Variants in OR6N1 observed in about 807,000 individuals in gnomAD.
OR6N1 encodes the protein olfactory receptor 6N1.
For missense variants in OR6N1, 394 were observed against 371.7 expected (o/e 1.06, Z -0.49); for synonymous variants, 170 against 150.7 (o/e 1.13, Z -0.94).
chr1:158,823,027 GT>G, the OR6N1 span, among the ~76,000 whole-genome samples: 1 of 152,182 alleles, frequency 6.6e-6, no homozygotes, highest in Non-Finnish European at 1.5e-5. Context: ...ATTTGGGTAT[GT>G]TGAACCAACC....
At chr1:158,775,920 T>A (rs1657581419), upstream of OR6N1, 1 of 152,180 alleles carries the variant, frequency 6.6e-6, no homozygotes, top group African/African-American at 2.4e-5. Flanking sequence ...TATTGACAAG[T>A]CCAATCCAGG....
upstream of OR6N1, chr1:158,776,452 CT>C (rs35634987): frequency 6.1e-5 from 23 of 374,304 alleles, no homozygotes; most frequent in East Asian, 1.7e-4. Context: ...AATATACATG[CT>C]TTTTTTTAAA....
upstream of OR6N1, chr1:158,774,629 A>G (rs1657535339): frequency 6.6e-6 from 1 of 152,216 alleles, no homozygotes; most frequent in Admixed American, 6.5e-5. Flanking sequence ...TGACATGAAA[A>G]TTTATGTTTA....
At chr1:158,770,068 T>G (rs1321324925) in intron 1 of OR6N1, among the ~76,000 whole-genome samples, 1 of 152,224 alleles carries the variant, frequency 6.6e-6, no homozygotes, top group Non-Finnish European at 1.5e-5. Context: ...TCTTTCCTTT[T>G]CTGGCCTCCA....
chr1:158,780,251 T>C, the OR6N1 span, among the ~76,000 whole-genome samples: 1 of 152,210 alleles, frequency 6.6e-6, no homozygotes, highest in Admixed American at 6.5e-5. Context: ...GTTGGTAATG[T>C]TTCCCCTTTA....
Position 158,765,743 on chromosome 1 carries a change from C to T in OR6N1, c.*1G>A, listed in dbSNP as rs1188119766. ...GGCCTTGGCCTACTCTCAGCCCCAA[C>T]TCATGCCAATATCCCAATTCTCTTT... On this transcript the variant is annotated 3_prime_UTR_variant, in exon 2 of 2. Transcript: ENST00000641846. 2 of 1,609,698 alleles carry T rather than the reference C, an allele frequency of 1.2e-6. No individual in the cohort carries two copies. Among genetic ancestry groups the T allele is most frequent in the South Asian group, 2.2e-5 (2 of 90,858 alleles).
At chr1:158,791,249 C>T in the OR6N1 span, among the ~76,000 whole-genome samples, 1,907 of 152,146 alleles carry the variant, frequency 0.013, 48 homozygotes, top group African/African-American at 0.043. Flanking sequence ...CTATAAACAT[C>T]GCTTTTAGCA....
At chr1:158,816,232 A>G in the OR6N1 span, among the ~76,000 whole-genome samples, 1 of 152,092 alleles carries the variant, frequency 6.6e-6, no homozygotes, top group African/African-American at 2.4e-5. Context: ...TCTTTTCTAT[A>G]CATCCTGTCT....
chr1:158,789,859 A>T, the OR6N1 span, among the ~76,000 whole-genome samples: 1 of 152,026 alleles, frequency 6.6e-6, no homozygotes, highest in Non-Finnish European at 1.5e-5. Flanking sequence ...CCACTTGGCT[A>T]TTTTTGTTTT....
the OR6N1 span, among the ~76,000 whole-genome samples, chr1:158,815,445 A>T: frequency 2.0e-5 from 3 of 152,172 alleles, no homozygotes; most frequent in African/African-American, 7.2e-5. Context: ...ATGTAGGAAG[A>T]CAGAAAGGGT....
At chr1:158,796,225 G>T in the OR6N1 span, 1 of 152,330 alleles carries the variant, frequency 6.6e-6, no homozygotes, top group East Asian at 1.9e-4. Context: ...GACCTAGTAT[G>T]CTTCAGAGTT....
the OR6N1 span, among the ~76,000 whole-genome samples, chr1:158,806,223 C>G: frequency 1.3e-5 from 2 of 152,062 alleles, no homozygotes; most frequent in Admixed American, 1.3e-4. Flanking sequence ...AGTTTTGCAC[C>G]ATGTATTTGG....
In OR6N1 at chr1:158,766,409, T is replaced by C. The variant is rs773221218; in HGVS notation, c.274A>G (p.Ile92Val). 1.2e-6 allele frequency: 2 copies of C among 1,613,978 alleles called. No homozygotes were observed. The highest frequency in any genetic ancestry group is 1.7e-6 in the Non-Finnish European group (2 of 1,179,986). The change falls in exon 2 of 2, where the codon ATT becomes GTT. Residue 92 changes from isoleucine to valine, a missense_variant. Ile to Val is a conservative substitution (Grantham distance 29). Coordinates refer to ENST00000641846, the MANE Select transcript of OR6N1 (RefSeq NM_001005185.2). ...TGCAGGAGACACCCAGAGAATGAAA[T>C]GGTCTTTTTCTCACTGAGCAAGTTT... Reference protein sequence around the residue: ...LANLLSEKKTISFSGCLLQIY... With the variant: ...LANLLSEKKTVSFSGCLLQIY...
At chr1:158,839,716 A>G in the OR6N1 span, among the ~76,000 whole-genome samples, 2 of 152,214 alleles carry the variant, frequency 1.3e-5, no homozygotes, top group African/African-American at 2.4e-5. Flanking sequence ...AACAGGGACA[A>G]AGAAAAACAC....
At chr1:158,784,556 G>C in the OR6N1 span, among the ~76,000 whole-genome samples, 1 of 151,886 alleles carries the variant, frequency 6.6e-6, no homozygotes, top group African/African-American at 2.4e-5. Flanking sequence ...CCCTTTAATC[G>C]ACTTCCCATC....
the OR6N1 span, chr1:158,777,248 G>A: frequency 4.3e-6 from 7 of 1,614,132 alleles, no homozygotes; most frequent in South Asian, 1.1e-5. Flanking sequence ...GGGTAGTGGA[G>A]GGGCCGACAA....
chr1:158,813,289 T>A, the OR6N1 span, among the ~76,000 whole-genome samples: 1 of 152,228 alleles, frequency 6.6e-6, no homozygotes, highest in Non-Finnish European at 1.5e-5. Flanking sequence ...TATACACACA[T>A]ACATGAAATT....
At chr1:158,770,107 T>A (rs1024192437) in intron 1 of OR6N1, among the ~76,000 whole-genome samples, 7 of 152,214 alleles carry the variant, frequency 4.6e-5, no homozygotes, top group Admixed American at 4.6e-4. Context: ...TTGTCTAGAC[T>A]GTGAGCCCTT....
chr1:158,825,036 C>T, the OR6N1 span, among the ~76,000 whole-genome samples: 1 of 152,178 alleles, frequency 6.6e-6, no homozygotes, highest in Non-Finnish European at 1.5e-5. Context: ...AGACAACCTA[C>T]AGAATGCGAG....
Sources: gnomAD v4.1 joint callset for allele counts (sites outside exome capture counted in the v4.1 genomes callset) on GRCh38, gnomAD v4.1.1 for gene constraint, MANE v1.5 for transcripts, NCBI Gene and HGNC (gene_info 2026-07-23, HGNC 2026-07-21) for gene names.